The following PMS1 variants were observed in gnomAD, a reference collection of about 807,000 sequenced individuals.
The protein encoded by PMS1 is PMS1 homolog 1, mismatch repair system component.
A neutral mutation model predicts 93.1 loss-of-function variants in PMS1; 79 were observed. The ratio of observed to expected loss-of-function variants is 0.85; its 90% confidence interval spans 0.71 to 1.02. The LOEUF is 1.02. PMS1 is among the 50% of genes least tolerant of loss of function. PMS1 has a pLI of 0.00. For missense variants in PMS1, 1,064 were observed against 1,085.3 expected (o/e 0.98, Z 0.28); for synonymous variants, 335 against 363.4 (o/e 0.92, Z 0.89).
intron 5 of PMS1, among the ~76,000 whole-genome samples, chr2:189,837,573 G>A (rs568566325): frequency 6.6e-6 from 1 of 152,270 alleles, no homozygotes; most frequent in East Asian, 1.9e-4. Flanking sequence ...AGCCATAATA[G>A]CAGAAGCCAG....
At chr2:189,835,217 A>G (rs2053280244) in intron 5 of PMS1, among the ~76,000 whole-genome samples, 1 of 152,266 alleles carries the variant, frequency 6.6e-6, no homozygotes, top group Non-Finnish European at 1.5e-5. Flanking sequence ...AGAAAAGAAT[A>G]TAAAATTAAA....
At chr2:189,819,047 C>T (rs1270696188) in intron 5 of PMS1, among the ~76,000 whole-genome samples, 1 of 152,200 alleles carries the variant, frequency 6.6e-6, no homozygotes, top group Admixed American at 6.5e-5. Context: ...CATCCACCCT[C>T]CTCCCTCTCT....
chr2:189,831,595 T>C lies in PMS1; in HGVS notation c.583-12369T>C, dbSNP rs887198231. On this transcript the variant is annotated intron_variant, in intron 5 of 12. Coordinates refer to ENST00000441310, the MANE Select transcript of PMS1 (RefSeq NM_000534.5). Reference sequence around the variant, plus strand: ...TTTTTTAAACCCTGAATGCACACATTTGAGTTTCTCCTATAATGTATTACC... The same window carrying C: ...TTTTTTAAACCCTGAATGCACACATCTGAGTTTCTCCTATAATGTATTACC... Among the ~76,000 whole-genome samples, 11 of 152,300 alleles carry C rather than the reference T, an allele frequency of 7.2e-5. No individual in the cohort carries two copies. The South Asian group carries it at 1.9e-3, about 26-fold the overall frequency.
intron 5 of PMS1, among the ~76,000 whole-genome samples, chr2:189,823,505 G>T (rs1241548435): frequency 6.6e-6 from 1 of 151,448 alleles, no homozygotes; most frequent in African/African-American, 2.4e-5. Context: ...TTAAGGGGAT[G>T]ATTTTTAACC....
chr2:189,857,408 A>G, intron 9 of PMS1: 1 of 454,734 alleles, frequency 2.2e-6, no homozygotes, highest in Admixed American at 2.5e-5. Flanking sequence ...GTGAGAAGGT[A>G]GAGCAAAAAT....
At chr2:189,872,158 C>A (rs1328421836) in intron 11 of PMS1, among the ~76,000 whole-genome samples, 1 of 152,134 alleles carries the variant, frequency 6.6e-6, no homozygotes, top group Non-Finnish European at 1.5e-5. Context: ...TAGCATCTCA[C>A]TTCATTGAAC....
intron 4 of PMS1, among the ~76,000 whole-genome samples, chr2:189,810,181 T>C (rs1321797764): frequency 6.6e-6 from 1 of 152,078 alleles, no homozygotes. Context: ...TGGTAGGAGT[T>C]TGAAGATGAT....
Position 189,860,960 on chromosome 2 carries a change from C to T in PMS1, c.1857-2783C>T, listed in dbSNP as rs1000062186. Among the ~76,000 whole-genome samples the T allele has an allele frequency of 7.3e-5, 11 of 151,114 alleles. No homozygotes were observed. In the East Asian group the frequency reaches 1.4e-3, roughly 19 times the overall value. Reference sequence around the variant, plus strand: ...TTTTTTCAGTCTTTTAGACTATCCTCGTCTTTACATTTAAAGTGTAGACAA... The same window carrying T: ...TTTTTTCAGTCTTTTAGACTATCCTTGTCTTTACATTTAAAGTGTAGACAA... On this transcript the variant is annotated intron_variant, in intron 9 of 12. Transcript: ENST00000441310.
At chr2:189,823,072 T>C (rs1559259061) in intron 5 of PMS1, among the ~76,000 whole-genome samples, 1 of 151,130 alleles carries the variant, frequency 6.6e-6, no homozygotes, top group Non-Finnish European at 1.5e-5. Flanking sequence ...TTTCATCTCT[T>C]TTTTCTTTTT....
chr2:189,820,238 A>T (rs1204358136), intron 5 of PMS1, among the ~76,000 whole-genome samples: 1 of 152,084 alleles, frequency 6.6e-6, no homozygotes, highest in African/African-American at 2.4e-5. Context: ...CGACTAGTAA[A>T]TTGAGATGGG....
chr2:189,786,978 G>C (rs1300896203), intron 1 of PMS1, among the ~76,000 whole-genome samples: 1 of 152,118 alleles, frequency 6.6e-6, no homozygotes, highest in African/African-American at 2.4e-5. Context: ...GCTTGAACCC[G>C]GGAGGTGGAG....
chr2:189,802,271 G>C (rs1447081419), intron 3 of PMS1, among the ~76,000 whole-genome samples: 3 of 152,112 alleles, frequency 2.0e-5, no homozygotes, highest in Non-Finnish European at 2.9e-5. Context: ...AACTACTGTT[G>C]ACCGGCCTCC....
intron 9 of PMS1, 48 bp from the exon 10 acceptor site, chr2:189,863,695 A>G: frequency 1.4e-6 from 2 of 1,384,178 alleles, no homozygotes; most frequent in East Asian, 2.3e-5. Flanking sequence ...GATGGTTAAT[A>G]TATTTCTGAT....
At position 189,854,859 on chromosome 2, in the gene PMS1, T is replaced by C; in HGVS notation, c.1587T>C (p.Ser529=). 1 of 1,609,440 alleles carries C rather than the reference T, an allele frequency of 6.2e-7. No individual in the cohort carries two copies. Among genetic ancestry groups the C allele is most frequent in the African/African-American group, 1.3e-5 (1 of 74,896 alleles). ...VPEKSLPCKV[S]NNNYPIPEQM... ...AAAAAAGTTTACCATGTAAAGTAAGTAATAATAATTATCCAATCCCTGAAC... is the reference window on the plus strand; with the variant it reads ...AAAAAAGTTTACCATGTAAAGTAAGCAATAATAATTATCCAATCCCTGAAC... The change falls in exon 9 of 13, where the codon AGT becomes AGC. Residue 529 remains serine (S), a synonymous_variant. Transcript: ENST00000441310.
At chr2:189,843,692 T>C (rs1191277981) in intron 5 of PMS1, among the ~76,000 whole-genome samples, 1 of 152,176 alleles carries the variant, frequency 6.6e-6, no homozygotes, top group Non-Finnish European at 1.5e-5. Flanking sequence ...TCCATATGGA[T>C]TTTTATCTTC....
intron 5 of PMS1, among the ~76,000 whole-genome samples, chr2:189,833,479 G>T (rs1189472123): frequency 6.6e-6 from 1 of 152,188 alleles, no homozygotes; most frequent in African/African-American, 2.4e-5. Context: ...CTACTCAGGA[G>T]GCTGAGGCAG....
Position 189,852,680 on chromosome 2 carries a change from AGT to A in PMS1, c.729_730del (p.Cys243Ter). On this transcript the variant is annotated frameshift_variant, in exon 7 of 13. Coordinates refer to ENST00000441310, the MANE Select transcript of PMS1 (RefSeq NM_000534.5). LOFTEE classifies it high-confidence loss of function. ...ATTTATCTCAGTGGATTTCTTCCAAAGTGTGATGCAGACCACTCTTTCACTAG... is the reference window on the plus strand; with the variant it reads ...ATTTATCTCAGTGGATTTCTTCCAAAGTGATGCAGACCACTCTTTCACTAG... 5 of 1,602,624 alleles carry A rather than the reference AGT, an allele frequency of 3.1e-6. No individual in the cohort carries two copies. Among genetic ancestry groups the A allele is most frequent in the Non-Finnish European group, 3.4e-6 (4 of 1,169,714 alleles).
Position 189,859,405 on chromosome 2 carries a change from G to A in PMS1, c.1856+4277G>A, listed in dbSNP as rs576406097. Among the ~76,000 whole-genome samples, 237 of 152,288 alleles carry A rather than the reference G, an allele frequency of 1.6e-3. 1 individual carries two copies. The highest frequency in any genetic ancestry group is 0.01 in the Middle Eastern group (3 of 294). ...AGAACCAAGCCAGGCTGTCTTCAGA[G>A]TCTGTGTTATTAATCACCACACTTT... On this transcript the variant is annotated intron_variant, in intron 9 of 12. Transcript: ENST00000441310.
chr2:189,799,315 T>A (rs2049660888), intron 3 of PMS1, among the ~76,000 whole-genome samples: 1 of 152,158 alleles, frequency 6.6e-6, no homozygotes, highest in Admixed American at 6.5e-5. Flanking sequence ...GAAAACCACA[T>A]ATAGATGTGT....
Sources: gnomAD v4.1 joint callset for allele counts (sites outside exome capture counted in the v4.1 genomes callset) on GRCh38, gnomAD v4.1.1 for gene constraint, MANE v1.5 for transcripts, NCBI Gene and HGNC (gene_info 2026-07-23, HGNC 2026-07-21) for gene names.